The following USP49 variants were observed in gnomAD, a reference collection of about 807,000 sequenced individuals.
The protein encoded by USP49 is ubiquitin specific peptidase 49.
USP49 carries 24 observed loss-of-function variants against 58.6 expected under a neutral mutation model. That is an observed-to-expected ratio of 0.41 (90% CI 0.30 to 0.58). USP49 has a LOEUF of 0.58. USP49 is among the 20% of genes least tolerant of loss of function. The pLI is 0.30. For synonymous variants in USP49, 408 were observed against 365.1 expected, an observed-to-expected ratio of 1.12 and a Z score of -1.34; for missense variants, 703 against 866.1, an observed-to-expected ratio of 0.81 and a Z score of 2.36.
intron 3 of USP49, among the ~76,000 whole-genome samples, chr6:41,846,877 T>A (rs192416746): frequency 1.3e-5 from 2 of 152,318 alleles, no homozygotes; most frequent in African/African-American, 4.8e-5. Flanking sequence ...CTATCTCATA[T>A]GACTCAGAAT....
intron 1 of USP49, among the ~76,000 whole-genome samples, 158 bp from the exon 2 acceptor site, chr6:41,892,033 A>T (rs749202174): frequency 6.6e-6 from 1 of 152,248 alleles, no homozygotes; most frequent in Non-Finnish European, 1.5e-5. Context: ...GCTTAAATTT[A>T]TCATTGGAGT....
At chr6:41,855,736 C>T (rs183490792) in intron 3 of USP49, among the ~76,000 whole-genome samples, 26 of 152,114 alleles carry the variant, frequency 1.7e-4, no homozygotes, top group African/African-American at 5.3e-4. Flanking sequence ...AAACTCGACA[C>T]ACTTAAGGCT....
chr6:41,862,276 G>A lies in USP49; in HGVS notation c.-29+9288C>T, dbSNP rs114385328. ...CCTCCAAAAGGTTACACTAATTTAC[G>A]CTATCCCCTAATTACCCACCAGTAG... On this transcript the variant is annotated intron_variant, in intron 3 of 7. Transcript: ENST00000682992. Among the ~76,000 whole-genome samples the A allele has an allele frequency of 2.9e-3, 442 of 152,162 alleles. 2 individuals carry two copies. The highest frequency in any genetic ancestry group is 0.01 in the African/African-American group (423 of 41,506).
chr6:41,802,423 TTTTATTTTATTTA>T (rs1475731091), intron 5 of USP49, among the ~76,000 whole-genome samples: 1 of 110,330 alleles, frequency 9.1e-6, no homozygotes, highest in Non-Finnish European at 1.9e-5. Flanking sequence ...TTTTATTTTA[TTTTATTTTATTTA>T]TTTATTTATT....
intron 3 of USP49, among the ~76,000 whole-genome samples, chr6:41,835,325 A>T (rs1420868929): frequency 6.6e-6 from 1 of 152,254 alleles, no homozygotes; most frequent in Non-Finnish European, 1.5e-5. Context: ...AAATGCAGTC[A>T]TGAAAGCCAA....
chr6:41,848,900 T>G (rs1389223160), intron 3 of USP49, among the ~76,000 whole-genome samples: 1 of 151,720 alleles, frequency 6.6e-6, no homozygotes, highest in Non-Finnish European at 1.5e-5. Flanking sequence ...TTCTTCCCTA[T>G]GTTGCCCAGG....
intron 3 of USP49, among the ~76,000 whole-genome samples, chr6:41,836,033 A>G (rs1773721364): frequency 6.6e-6 from 1 of 151,670 alleles, no homozygotes; most frequent in African/African-American, 2.4e-5. Context: ...AGTTATGATC[A>G]TACCACTGCA....
chr6:41,827,310 C>T (rs1773556247), intron 3 of USP49, among the ~76,000 whole-genome samples: 1 of 152,130 alleles, frequency 6.6e-6, no homozygotes. Context: ...AAGAAGCTAG[C>T]TAGCTGGCAT....
rs892873845 is a variant in USP49 at position 41,801,687 on chromosome 6, A to G, written c.1562-1749T>C. ...TTGTTTCCCTAAAATGAAATTCACA[A>G]AGAAAAAGAAATTACTGATTCAACT... On this transcript the variant is annotated intron_variant, in intron 5 of 7. Transcript: ENST00000682992. Among the ~76,000 whole-genome samples the G allele has an allele frequency of 2.6e-5, 4 of 152,238 alleles. 1 individual carries two copies. Among genetic ancestry groups the G allele is most frequent in the Middle Eastern group, 6.3e-3 (2 of 316 alleles).
intron 3 of USP49, among the ~76,000 whole-genome samples, chr6:41,837,541 T>C (rs775489336): frequency 1.1e-4 from 17 of 152,150 alleles, no homozygotes; most frequent in Non-Finnish European, 2.2e-4. Context: ...ACACAGGCCC[T>C]GGCAAAGATT....
chr6:41,860,872 T>C (rs1317927031), intron 3 of USP49, among the ~76,000 whole-genome samples: 3 of 152,124 alleles, frequency 2.0e-5, no homozygotes, highest in Non-Finnish European at 4.4e-5. Context: ...GGCCCATGCC[T>C]GTAATCCTAG....
chr6:41,797,112 C>T (rs1221686162), intron 7 of USP49, among the ~76,000 whole-genome samples: 1 of 152,078 alleles, frequency 6.6e-6, no homozygotes, highest in East Asian at 1.9e-4. Flanking sequence ...AGGTGCCCAC[C>T]ACCACGCCCG....
At chr6:41,890,696 A>AAT (rs1774797602) in intron 2 of USP49, among the ~76,000 whole-genome samples, 1 of 152,174 alleles carries the variant, frequency 6.6e-6, no homozygotes, top group Admixed American at 6.5e-5. Flanking sequence ...TAATCATAAT[A>AAT]ATAATATATG....
intron 2 of USP49, among the ~76,000 whole-genome samples, chr6:41,882,202 C>A (rs903351582): frequency 1.3e-5 from 2 of 152,072 alleles, no homozygotes; most frequent in Admixed American, 1.3e-4. Context: ...ATGGATGTCA[C>A]AATGACAGGG....
At chr6:41,889,670 A>T (rs2127366850) in intron 2 of USP49, among the ~76,000 whole-genome samples, 1 of 152,370 alleles carries the variant, frequency 6.6e-6, no homozygotes, top group Middle Eastern at 3.4e-3. Flanking sequence ...CCATAAAAAC[A>T]CAAAATCCAC....
intron 3 of USP49, among the ~76,000 whole-genome samples, chr6:41,862,210 G>T (rs1003643931): frequency 1.3e-5 from 2 of 152,120 alleles, no homozygotes; most frequent in Non-Finnish European, 2.9e-5. Context: ...TGTGTCAAGG[G>T]ATATATGCAT....
chr6:41,802,941 T>C (rs1009014340), intron 5 of USP49, among the ~76,000 whole-genome samples: 2 of 152,278 alleles, frequency 1.3e-5, no homozygotes, highest in East Asian at 1.9e-4. Context: ...AAAAACAAAA[T>C]GCAGAAAATA....
At chr6:41,808,558 C>T (rs531187219) in intron 3 of USP49, among the ~76,000 whole-genome samples, 49 of 151,882 alleles carry the variant, frequency 3.2e-4, no homozygotes, top group South Asian at 2.1e-3. Context: ...TAAAGGCGTG[C>T]GCCACCACGC....
intron 3 of USP49, among the ~76,000 whole-genome samples, chr6:41,866,489 A>G (rs1324464602): frequency 6.6e-6 from 1 of 152,238 alleles, no homozygotes; most frequent in East Asian, 1.9e-4. Context: ...CTGAAAGAAC[A>G]TGAAAGGGCC....
Sources: gnomAD v4.1 joint callset for allele counts (sites outside exome capture counted in the v4.1 genomes callset) on GRCh38, gnomAD v4.1.1 for gene constraint, MANE v1.5 for transcripts, NCBI Gene and HGNC (gene_info 2026-07-23, HGNC 2026-07-21) for gene names.